Variants in ABCC9 observed in about 807,000 individuals in gnomAD.
ABCC9 encodes the protein ATP binding cassette subfamily C member 9, also known as ATP-binding cassette sub-family C member 9.
A neutral mutation model predicts 188.3 loss-of-function variants in ABCC9; 95 were observed. The ratio of observed to expected loss-of-function variants is 0.50; its 90% confidence interval spans 0.43 to 0.60. The LOEUF (loss-of-function observed/expected upper bound fraction) is 0.60, where lower values mean the gene tolerates loss of function less well. ABCC9 is among the 20% of genes least tolerant of loss of function. ABCC9 has a pLI of 0.00. For synonymous variants in ABCC9, 659 were observed against 652.7 expected (o/e 1.01, Z -0.15); for missense variants, 1,102 against 1,876.3 (o/e 0.59, Z 7.62).
At chr12:21,871,270 G>C (rs531376242) in intron 18 of ABCC9, among the ~76,000 whole-genome samples, 1 of 152,134 alleles carries the variant, frequency 6.6e-6, no homozygotes, top group Non-Finnish European at 1.5e-5. Flanking sequence ...ACTGCCTGAG[G>C]ATAGTGGCAG....
intron 36 of ABCC9, among the ~76,000 whole-genome samples, chr12:21,810,387 T>C (rs779864946): frequency 1.6e-4 from 24 of 152,194 alleles, no homozygotes; most frequent in Non-Finnish European, 3.2e-4. Flanking sequence ...TGGTCCATTC[T>C]CATGCTGCTA....
At chr12:21,855,194 C>A (rs1592077968) in intron 22 of ABCC9, among the ~76,000 whole-genome samples, 1 of 151,994 alleles carries the variant, frequency 6.6e-6, no homozygotes, top group East Asian at 1.9e-4. Flanking sequence ...ATTTGACTGT[C>A]CATAAAATTC....
chr12:21,822,569 G>A (rs2137228621), intron 31 of ABCC9, among the ~76,000 whole-genome samples: 1 of 152,116 alleles, frequency 6.6e-6, no homozygotes, highest in Non-Finnish European at 1.5e-5. Flanking sequence ...GGAGGTCAAG[G>A]CGGTCAGATC....
intron 31 of ABCC9, among the ~76,000 whole-genome samples, chr12:21,826,473 AT>A (rs1943385872): frequency 1.3e-5 from 2 of 152,166 alleles, no homozygotes; most frequent in African/African-American, 4.8e-5. Context: ...TATGTGCACA[AT>A]TGAGAGAAAA....
Position 21,797,969 on chromosome 12 carries a change from A to T in ABCC9, c.*3075T>A, listed in dbSNP as rs981007494. 19 of 152,354 alleles carry T rather than the reference A, an allele frequency of 1.2e-4. No homozygotes were observed. Among genetic ancestry groups the T allele is most frequent in the Admixed American group, 1.2e-3 (19 of 15,300 alleles). The allele number at this position is 152,354 out of a possible 1,614,324, so 9.4% of individuals were successfully genotyped here. A position where few individuals can be genotyped will look rare whatever the true frequency, so the allele number is the denominator to read the frequency against. On this transcript the variant is annotated 3_prime_UTR_variant, in exon 40 of 40. Transcript: ENST00000261200. ...TTTACAGATATGTACCTATATAGTC[A>T]AATATTATTTCAAGGTGAATCTTTT...
intron 31 of ABCC9, among the ~76,000 whole-genome samples, chr12:21,822,920 A>G (rs1387644678): frequency 6.6e-6 from 1 of 152,158 alleles, no homozygotes; most frequent in Non-Finnish European, 1.5e-5. Flanking sequence ...CAAATACGTG[A>G]GAAGCAAATG....
chr12:21,839,274 AG>A (rs1171073766), intron 29 of ABCC9, among the ~76,000 whole-genome samples: 3 of 152,256 alleles, frequency 2.0e-5, no homozygotes, highest in Non-Finnish European at 4.4e-5. Context: ...TAGTTTTCAC[AG>A]GGTAAACAAG....
chr12:21,911,707 C>G (rs772611320), intron 8 of ABCC9, among the ~76,000 whole-genome samples: 1 of 151,896 alleles, frequency 6.6e-6, no homozygotes, highest in African/African-American at 2.4e-5. Flanking sequence ...ACTTCTGGTC[C>G]CTTCCTCCTT....
In ABCC9 at chr12:21,910,317, C is replaced by CA. The variant is rs35857705; in HGVS notation, c.1165-6dup. On this transcript the variant is annotated splice_region_variant and splice_polypyrimidine_tract_variant and intron_variant, in intron 9 of 39. Transcript: ENST00000261200. ...GATTTTATTATAAATCATGGCCTAC[C>CA]AAAAAAAAAAAAAAGAGTACATAAA... The CA allele has an allele frequency of 0.045, 60,467 of 1,342,616 alleles. 51 individuals are homozygous for CA. The highest frequency in any genetic ancestry group is 0.079 in the Middle Eastern group (389 of 4,920). The allele number at this position is 1,342,616 out of a possible 1,614,324, so 83.2% of individuals were successfully genotyped here.
chr12:21,861,031 A>G lies in ABCC9; in HGVS notation c.2364T>C (p.Cys788=), dbSNP rs764916922. 2 of 1,613,662 alleles carry G rather than the reference A, an allele frequency of 1.2e-6. No homozygotes were observed. The highest frequency in any genetic ancestry group is 2.2e-5 in the South Asian group (2 of 91,080). Residue 788 remains cysteine, a synonymous_variant, in exon 21 of 40, where the codon TGT becomes TGC. Coordinates refer to ENST00000261200, the MANE Select transcript of ABCC9 (RefSeq NM_020297.4). ...KQRYKAVTDA[C]SLQPDIDLLP... ...ATAAGTCAATATCTGGCTGAAGAGA[A>G]CAGGCATCTGTGACAGCTTTGTACC... is the stretch of plus-strand genomic sequence containing the variant.
intron 14 of ABCC9, among the ~76,000 whole-genome samples, chr12:21,891,184 T>C (rs775971804): frequency 1.3e-5 from 2 of 152,156 alleles, no homozygotes; most frequent in African/African-American, 4.8e-5. Flanking sequence ...GAATTCTTAA[T>C]GCCTAGCAAT....
intron 3 of ABCC9, among the ~76,000 whole-genome samples, chr12:21,935,422 C>CGGGA (rs1949448529): frequency 6.6e-6 from 1 of 152,078 alleles, no homozygotes; most frequent in African/African-American, 2.4e-5. Context: ...ATGATGAGTT[C>CGGGA]TTTAATCCCC....
chr12:21,802,845 G>A (rs958965988), intron 39 of ABCC9, among the ~76,000 whole-genome samples: 16 of 152,052 alleles, frequency 1.1e-4, no homozygotes, highest in Non-Finnish European at 2.1e-4. Flanking sequence ...TTCTGCCCTG[G>A]GCCATGTAGA....
At chr12:21,887,745 C>A in intron 15 of ABCC9, 81 bp downstream of exon 15, 1 of 952,756 alleles carries the variant, frequency 1.0e-6, no homozygotes, top group Non-Finnish European at 1.7e-6. Context: ...ATAATCTCTT[C>A]TAACTCAGTT....
intron 24 of ABCC9, among the ~76,000 whole-genome samples, chr12:21,851,453 C>T (rs1944961101): frequency 6.6e-6 from 1 of 152,120 alleles, no homozygotes; most frequent in Non-Finnish European, 1.5e-5. Context: ...TTCTCTGAGC[C>T]TCAGCTTTCT....
At chr12:21,866,906 C>A (rs938408853) in intron 18 of ABCC9, among the ~76,000 whole-genome samples, 1 of 151,908 alleles carries the variant, frequency 6.6e-6, no homozygotes, top group South Asian at 2.1e-4. Flanking sequence ...ATAAGAAAGA[C>A]CATTATTTAA....
chr12:21,931,283 C>T (rs1035943480), intron 4 of ABCC9, among the ~76,000 whole-genome samples: 2 of 152,008 alleles, frequency 1.3e-5, no homozygotes, highest in African/African-American at 4.8e-5. Flanking sequence ...ACTTCTCTCT[C>T]CTGCCACCAT....
intron 7 of ABCC9, among the ~76,000 whole-genome samples, chr12:21,915,137 G>T (rs1948481413): frequency 6.6e-6 from 1 of 151,302 alleles, no homozygotes; most frequent in Non-Finnish European, 1.5e-5. Context: ...CTGACCTCAG[G>T]TGATCCATCT....
At chr12:21,812,848 TA>T (rs1055582039) in intron 35 of ABCC9, among the ~76,000 whole-genome samples, 24 of 151,616 alleles carry the variant, frequency 1.6e-4, no homozygotes, top group Middle Eastern at 3.2e-3. Context: ...TAAAGTATAA[TA>T]AAAAAAAATC....
Sources: gnomAD v4.1 joint callset for allele counts (sites outside exome capture counted in the v4.1 genomes callset) on GRCh38, gnomAD v4.1.1 for gene constraint, MANE v1.5 for transcripts, NCBI Gene and HGNC (gene_info 2026-07-23, HGNC 2026-07-21) for gene names.